The following SLC8A1 variants were observed in gnomAD, a reference collection of about 807,000 sequenced individuals.
SLC8A1 encodes solute carrier family 8 member A1.
SLC8A1 carries 18 observed loss-of-function variants against 68.3 expected under a neutral mutation model. The ratio of observed to expected loss-of-function variants is 0.26; its 90% CI spans 0.18 to 0.39. The LOEUF (loss-of-function observed/expected upper bound fraction) is 0.39. Among genes scored for constraint, SLC8A1 ranks in the 10% least tolerant of loss-of-function variants. The pLI, the probability that SLC8A1 is intolerant of heterozygous loss-of-function variation, is 1.00. For synonymous variants in SLC8A1, 475 were observed against 415.5 expected, an observed-to-expected ratio of 1.14 and a Z score of -1.74; for missense variants, 985 against 1,156.7, an observed-to-expected ratio of 0.85 and a Z score of 2.15.
chr2:40,374,486 T>TA (rs1276844630), intron 2 of SLC8A1, among the ~76,000 whole-genome samples: 1 of 152,032 alleles, frequency 6.6e-6, no homozygotes, highest in Middle Eastern at 3.2e-3. Context: ...ATGTATGTAT[T>TA]TGGAATTATA....
In SLC8A1 at chr2:40,277,239, T is replaced by C. The variant is rs144586863; in HGVS notation, c.1809-99384A>G. ...GCCCTCTCTATGCCTGTTTTTTTTT[T>C]ATTTTTAAAACAGAGATAGTGCTGG... On this transcript the variant is annotated intron_variant, in intron 2 of 7. Coordinates refer to ENST00000406785, the Ensembl canonical transcript of SLC8A1. 3.4e-4 allele frequency among the ~76,000 whole-genome samples: 51 copies of C among 152,146 alleles called. No individual in the cohort carries two copies. The East Asian group carries it at 7.5e-3, about 22-fold the overall frequency.
At chr2:40,210,179 C>T (rs2056328435) in intron 2 of SLC8A1, among the ~76,000 whole-genome samples, 1 of 152,148 alleles carries the variant, frequency 6.6e-6, no homozygotes, top group African/African-American at 2.4e-5. Context: ...AAAACATATA[C>T]AGTACCTATT....
At chr2:40,162,241 G>C (rs748785724) in intron 5 of SLC8A1, among the ~76,000 whole-genome samples, 1 of 152,150 alleles carries the variant, frequency 6.6e-6, no homozygotes, top group Non-Finnish European at 1.5e-5. Flanking sequence ...TGAAGCACTT[G>C]ACCAGCATCC....
At chr2:40,472,348 T>C (rs1172414635) in intron 1 of SLC8A1, among the ~76,000 whole-genome samples, 1 of 152,054 alleles carries the variant, frequency 6.6e-6, no homozygotes. Flanking sequence ...CTCCAGGGAG[T>C]TGGAGATGAC....
intron 2 of SLC8A1, among the ~76,000 whole-genome samples, chr2:40,404,259 C>A (rs1482561571): frequency 1.3e-5 from 2 of 152,146 alleles, no homozygotes; most frequent in Admixed American, 6.6e-5. Flanking sequence ...TCTTTGTACA[C>A]AAATCTGACA....
chr2:40,504,875 C>A (rs1231526886), intron 1 of SLC8A1, among the ~76,000 whole-genome samples: 1 of 151,924 alleles, frequency 6.6e-6, no homozygotes, highest in Non-Finnish European at 1.5e-5. Flanking sequence ...TAAATTAGTA[C>A]AACCACTATG....
chr2:40,260,658 AAG>A (rs1574864602), intron 2 of SLC8A1, among the ~76,000 whole-genome samples: 1 of 152,108 alleles, frequency 6.6e-6, no homozygotes, highest in Admixed American at 6.5e-5. Context: ...GAGAAAGAAA[AAG>A]AGGTGTCTTT....
intron 2 of SLC8A1, among the ~76,000 whole-genome samples, chr2:40,200,200 ATATATAAATATATATATATT>A (rs2053944031): frequency 8.8e-5 from 1 of 11,358 alleles, no homozygotes; most frequent in African/African-American, 3.2e-4. Flanking sequence ...ATTTATATAT[ATATATAAATATATATATATT>A]TTTTTATATA....
intron 1 of SLC8A1, among the ~76,000 whole-genome samples, chr2:40,495,239 G>T (rs955465602): frequency 1.3e-5 from 2 of 152,024 alleles, no homozygotes; most frequent in Non-Finnish European, 2.9e-5. Flanking sequence ...GTAGATTTTA[G>T]TGTCAGGGGA....
intron 2 of SLC8A1, among the ~76,000 whole-genome samples, chr2:40,234,974 T>C (rs1384559339): frequency 6.6e-6 from 1 of 152,154 alleles, no homozygotes; most frequent in Non-Finnish European, 1.5e-5. Context: ...TGGATAAGCT[T>C]TTTGATGTGC....
At chr2:40,312,194 G>C (rs575386203) in intron 2 of SLC8A1, among the ~76,000 whole-genome samples, 1 of 152,260 alleles carries the variant, frequency 6.6e-6, no homozygotes, top group African/African-American at 2.4e-5. Flanking sequence ...CACTTGCTGA[G>C]CTTATTGTTA....
chr2:40,231,896 C>G (rs1385653809), intron 2 of SLC8A1, among the ~76,000 whole-genome samples: 2 of 152,282 alleles, frequency 1.3e-5, no homozygotes, highest in Non-Finnish European at 2.9e-5. Context: ...CCAAACTTGG[C>G]TGTCCCTGGA....
chr2:40,428,511 G>A, exon 2 of SLC8A1: 1 of 1,610,506 alleles, frequency 6.2e-7, no homozygotes, highest in Non-Finnish European at 8.5e-7. Context: ...CTCCACAAGT[G>A]TCCTCAAAAT....
intron 2 of SLC8A1, among the ~76,000 whole-genome samples, chr2:40,328,736 A>G (rs2076104356): frequency 6.6e-6 from 1 of 152,088 alleles, no homozygotes; most frequent in African/African-American, 2.4e-5. Flanking sequence ...ACACTGAATC[A>G]GTTTCCAAAT....
intron 1 of SLC8A1, among the ~76,000 whole-genome samples, chr2:40,463,400 CT>C (rs1477135417): frequency 6.6e-6 from 1 of 152,152 alleles, no homozygotes; most frequent in East Asian, 1.9e-4. Context: ...TAATTTTTTG[CT>C]TTTGTTTTTC....
chr2:40,205,867 A>G (rs1269685196), intron 2 of SLC8A1, among the ~76,000 whole-genome samples: 1 of 151,224 alleles, frequency 6.6e-6, no homozygotes, highest in Non-Finnish European at 1.5e-5. Context: ...GCAACATTCT[A>G]TTTCAGTTGA....
intron 2 of SLC8A1, among the ~76,000 whole-genome samples, chr2:40,308,259 T>A (rs2073029952): frequency 1.3e-5 from 2 of 152,134 alleles, no homozygotes; most frequent in Non-Finnish European, 2.9e-5. Context: ...TGAATCAAAT[T>A]GGAGTGATAT....
Position 40,434,326 on chromosome 2 carries a change from A to G in SLC8A1, c.-24-4022T>C, listed in dbSNP as rs1698982484. Among the ~76,000 whole-genome samples the G allele has an allele frequency of 3.9e-5, 6 of 152,324 alleles. No individual in the cohort carries two copies. In the South Asian group the frequency reaches 1.2e-3, roughly 32 times the overall value. On this transcript the variant is annotated intron_variant, in intron 1 of 7. Transcript: ENST00000406785. ...ATTGGCAATGAAGCAATTGGAAAGA[A>G]CTCTCTGGACTTAAATTTCTTTTTC...
Position 40,168,335 on chromosome 2 carries a change from T to C in SLC8A1, c.1931-3351A>G, listed in dbSNP as rs929668778. 2.6e-5 allele frequency among the ~76,000 whole-genome samples: 4 copies of C among 151,950 alleles called. No homozygotes were observed. The South Asian group carries it at 8.3e-4, about 32-fold the overall frequency. ...GAAGATTGCCGCCCGGTGAAGGTGA[T>C]GGTAAGGATAGATAGGAGGTGGTGG... On this transcript the variant is annotated intron_variant, in intron 4 of 7. Transcript: ENST00000406785.
Sources: allele counts gnomAD v4.1 joint callset (sites outside exome capture counted in the v4.1 genomes callset), GRCh38; gene constraint gnomAD v4.1.1; transcripts MANE v1.5; gene names NCBI Gene and HGNC (gene_info 2026-07-23, HGNC 2026-07-21).